Variants in INVS observed in about 807,000 individuals in gnomAD.
INVS encodes the protein inversion of embryo turning homolog.
INVS carries 86 observed loss-of-function variants against 108.8 expected under a neutral mutation model. That is an observed-to-expected ratio of 0.79 (90% CI 0.66 to 0.95). The LOEUF is 0.95. Ranked by LOEUF, INVS falls within the 40% of genes least tolerant of loss-of-function variation. The pLI is 0.00. For synonymous variants in INVS, 455 were observed against 473.5 expected (o/e 0.96, Z 0.51); for missense variants, 1,169 against 1,297.4 (o/e 0.90, Z 1.52).
chr9:100,298,392 A>G (rs1337070405), intron 16 of INVS: 2 of 899,980 alleles, frequency 2.2e-6, no homozygotes, highest in Admixed American at 6.2e-5. Context: ...GAAGAACACC[A>G]TGAAGAGAAC....
intron 12 of INVS, 70 bp downstream of exon 12, chr9:100,273,146 G>T (rs1833007321): frequency 5.1e-6 from 6 of 1,186,056 alleles, no homozygotes; most frequent in Non-Finnish European, 7.6e-6. Flanking sequence ...TGTGGGGGGT[G>T]CTGGGGTGGC....
At chr9:100,170,861 G>C (rs1279451448) in intron 3 of INVS, among the ~76,000 whole-genome samples, 1 of 152,198 alleles carries the variant, frequency 6.6e-6, no homozygotes, top group African/African-American at 2.4e-5. Flanking sequence ...GAAGTTCATA[G>C]TTTAATGGGG....
intron 3 of INVS, among the ~76,000 whole-genome samples, chr9:100,156,560 T>C (rs1186178534): frequency 1.3e-5 from 2 of 152,044 alleles, no homozygotes; most frequent in Non-Finnish European, 2.9e-5. Flanking sequence ...TGTTTTTATG[T>C]GTTTCAGTTT....
intron 10 of INVS, among the ~76,000 whole-genome samples, chr9:100,256,401 G>C (rs1832423558): frequency 6.6e-6 from 1 of 151,732 alleles, no homozygotes; most frequent in Non-Finnish European, 1.5e-5. Flanking sequence ...AGGGTTTTTT[G>C]TGTCTCTATC....
chr9:100,267,034 A>AAG (rs1554728221), intron 11 of INVS, among the ~76,000 whole-genome samples: 1 of 150,878 alleles, frequency 6.6e-6, no homozygotes, highest in Non-Finnish European at 1.5e-5. Context: ...AAAAAAAAAA[A>AAG]AAAAAAAAAG....
chr9:100,197,022 T>G lies in INVS; in HGVS notation c.274-29040T>G, dbSNP rs117733541. ...CCCAGCTGGATATCCCCTAATTCAA[T>G]TCTAACACTATCTACCCAGAGATGG... On this transcript the variant is annotated intron_variant, in intron 3 of 16. Coordinates refer to ENST00000262457, the MANE Select transcript of INVS (RefSeq NM_014425.5). 1.2e-4 allele frequency among the ~76,000 whole-genome samples: 19 copies of G among 152,216 alleles called. No homozygotes were observed. The East Asian group carries it at 3.3e-3, about 26-fold the overall frequency.
chr9:100,253,282 G>A (rs1436160331), intron 10 of INVS, 146 bp downstream of exon 10: 2 of 651,656 alleles, frequency 3.1e-6, no homozygotes, highest in Non-Finnish European at 5.4e-6. Flanking sequence ...ATTTGTCCAT[G>A]TTCTCTTCCA....
chr9:100,107,266 A>T (rs182768619), intron 2 of INVS, among the ~76,000 whole-genome samples: 13 of 152,282 alleles, frequency 8.5e-5, no homozygotes, highest in Admixed American at 4.6e-4. Flanking sequence ...TGACTTTTAT[A>T]ATAATCATTA....
At chr9:100,275,795 G>A (rs1031434983) in intron 12 of INVS, among the ~76,000 whole-genome samples, 3 of 152,170 alleles carry the variant, frequency 2.0e-5, no homozygotes, top group Non-Finnish European at 4.4e-5. Flanking sequence ...TATTTACTAA[G>A]ACAGGTAATG....
intron 3 of INVS, 72 bp from the exon 4 acceptor site, chr9:100,225,990 A>C: frequency 2.8e-6 from 3 of 1,080,102 alleles, no homozygotes; most frequent in Non-Finnish European, 4.1e-6. Context: ...CATACTTAAA[A>C]CATTTTAAAA....
chr9:100,187,207 G>A (rs1830079852), intron 3 of INVS, among the ~76,000 whole-genome samples: 1 of 151,970 alleles, frequency 6.6e-6, no homozygotes, highest in Non-Finnish European at 1.5e-5. Flanking sequence ...TGTTCCATTG[G>A]TCTGTACATC....
At chr9:100,270,556 C>A (rs1200878048) in intron 11 of INVS, among the ~76,000 whole-genome samples, 2 of 151,746 alleles carry the variant, frequency 1.3e-5, no homozygotes, top group African/African-American at 4.8e-5. Flanking sequence ...ACCAGCCTGA[C>A]CAATATGATG....
intron 2 of INVS, among the ~76,000 whole-genome samples, chr9:100,107,847 A>G (rs1409217294): frequency 1.3e-5 from 2 of 152,202 alleles, no homozygotes; most frequent in African/African-American, 4.8e-5. Context: ...TCATCACTAA[A>G]TCCACAAAAT....
At chr9:100,250,883 C>T (rs148099092) in intron 8 of INVS, among the ~76,000 whole-genome samples, 151 of 152,314 alleles carry the variant, frequency 9.9e-4, no homozygotes, top group Non-Finnish European at 1.9e-3. Flanking sequence ...TGTGATCTGG[C>T]CTTTTCTATG....
chr9:100,198,400 C>T (rs929774944), intron 3 of INVS, among the ~76,000 whole-genome samples: 1 of 145,926 alleles, frequency 6.9e-6, no homozygotes, highest in Non-Finnish European at 1.5e-5. Flanking sequence ...CGAGTTCAAG[C>T]GATTCTCCTG....
intron 3 of INVS, among the ~76,000 whole-genome samples, chr9:100,193,277 G>C (rs1350396931): frequency 6.6e-6 from 1 of 152,106 alleles, no homozygotes; most frequent in Non-Finnish European, 1.5e-5. Flanking sequence ...ATTGCGCCCA[G>C]TCAGCAATAT....
chr9:100,106,930 C>T (rs1406592557), intron 2 of INVS, among the ~76,000 whole-genome samples: 2 of 147,966 alleles, frequency 1.4e-5, no homozygotes, highest in Non-Finnish European at 3.0e-5. Flanking sequence ...AGCTAAAACT[C>T]ACGGTGCTCA....
chr9:100,218,635 T>C (rs561202239), intron 3 of INVS, among the ~76,000 whole-genome samples: 6 of 152,272 alleles, frequency 3.9e-5, no homozygotes, highest in African/African-American at 1.4e-4. Context: ...CAGAATAGGG[T>C]TCAGGAAGAT....
chr9:100,263,506 A>C (rs1035248378), intron 10 of INVS, among the ~76,000 whole-genome samples: 1 of 152,070 alleles, frequency 6.6e-6, no homozygotes, highest in African/African-American at 2.4e-5. Context: ...TCTCTGTATC[A>C]CTTATCTGTA....
Sources: gnomAD v4.1 joint callset for allele counts (sites outside exome capture counted in the v4.1 genomes callset) on GRCh38, gnomAD v4.1.1 for gene constraint, MANE v1.5 for transcripts, NCBI Gene and HGNC (gene_info 2026-07-23, HGNC 2026-07-21) for gene names.